The following KIF1B variants were observed in gnomAD, a reference collection of about 807,000 sequenced individuals.
KIF1B encodes kinesin-like protein KIF1B.
A neutral mutation model predicts 241.9 loss-of-function variants in KIF1B; 76 were observed. That is an observed-to-expected ratio of 0.31 (90% CI 0.26 to 0.38). KIF1B has a LOEUF of 0.38. KIF1B is among the 10% of genes least tolerant of loss of function. The pLI is 1.00. For missense variants in KIF1B, 1,622 were observed against 2,271.4 expected, an observed-to-expected ratio of 0.71 and a Z score of 5.81; for synonymous variants, 750 against 796.7, an observed-to-expected ratio of 0.94 and a Z score of 0.99.
intron 38 of KIF1B, among the ~76,000 whole-genome samples, chr1:10,356,832 G>A (rs1186438552): frequency 4.0e-5 from 6 of 151,856 alleles, no homozygotes; most frequent in Admixed American, 1.3e-4. Context: ...CCTGGGAGGC[G>A]GAGGTTGCAG....
intron 10 of KIF1B, among the ~76,000 whole-genome samples, chr1:10,274,571 A>G (rs1450552446): frequency 6.6e-6 from 1 of 152,182 alleles, no homozygotes; most frequent in Non-Finnish European, 1.5e-5. Flanking sequence ...AATAAATATT[A>G]TTTTACAAGA....
chr1:10,341,987 G>T (rs1034897289), intron 32 of KIF1B, 63 bp from the exon 33 acceptor site: 11 of 1,048,214 alleles, frequency 1.0e-5, no homozygotes, highest in Middle Eastern at 2.1e-4. Context: ...ACGTACTAAA[G>T]TTCTGATTGA....
intron 24 of KIF1B, 95 bp from the exon 25 acceptor site, chr1:10,323,789 T>C: frequency 9.9e-7 from 1 of 1,007,692 alleles, no homozygotes; most frequent in Non-Finnish European, 1.6e-6. Context: ...GTTGAGCACA[T>C]TCGACCTCTT....
intron 18 of KIF1B, among the ~76,000 whole-genome samples, 158 bp from the exon 19 acceptor site, chr1:10,295,502 A>G (rs1324965573): frequency 6.6e-6 from 1 of 152,162 alleles, no homozygotes; most frequent in Non-Finnish European, 1.5e-5. Flanking sequence ...GAGGTTGATC[A>G]TATGTGAGGA....
At chr1:10,219,587 C>T (rs1478959963) in intron 1 of KIF1B, among the ~76,000 whole-genome samples, 1 of 149,326 alleles carries the variant, frequency 6.7e-6, no homozygotes, top group African/African-American at 2.5e-5. Flanking sequence ...AGAACCCCAT[C>T]TCTACTAAAA....
chr1:10,274,953 G>T, intron 10 of KIF1B: 1 of 390,438 alleles, frequency 2.6e-6, no homozygotes, highest in Non-Finnish European at 4.9e-6. Context: ...CAGGATATTA[G>T]GTAATAGTAT....
chr1:10,241,957 T>C (rs1421411889), intron 2 of KIF1B, among the ~76,000 whole-genome samples: 1 of 152,200 alleles, frequency 6.6e-6, no homozygotes, highest in Non-Finnish European at 1.5e-5. Flanking sequence ...TCAGACAAAG[T>C]GGGCATTCAT....
intron 1 of KIF1B, among the ~76,000 whole-genome samples, chr1:10,217,307 C>G (rs1402612646): frequency 2.0e-5 from 3 of 151,234 alleles, no homozygotes; most frequent in Non-Finnish European, 4.4e-5. Context: ...CAGGCATAGT[C>G]CTACCATAGG....
At position 10,363,267 on chromosome 1, in the gene KIF1B, T is replaced by C; in HGVS notation, c.4305-16T>C. On this transcript the variant is annotated splice_polypyrimidine_tract_variant and intron_variant, in intron 40 of 48. Transcript: ENST00000676179. ...GCTTTAAGAGATTAAACAATTGTTTTATTTTCTTCAAATAGGAATCGAGTC... is the reference window on the plus strand; with the variant it reads ...GCTTTAAGAGATTAAACAATTGTTTCATTTTCTTCAAATAGGAATCGAGTC... 2 of 1,605,476 alleles carry C rather than the reference T, an allele frequency of 1.2e-6. No individual in the cohort carries two copies. The highest frequency in any genetic ancestry group is 1.7e-6 in the Non-Finnish European group (2 of 1,172,200).
chr1:10,319,684 A>G (rs1402513404), intron 22 of KIF1B, among the ~76,000 whole-genome samples: 1 of 152,188 alleles, frequency 6.6e-6, no homozygotes, highest in East Asian at 1.9e-4. Context: ...TTATTGATAT[A>G]TAAGATATTA....
At chr1:10,242,630 C>T (rs760332694) in intron 2 of KIF1B, among the ~76,000 whole-genome samples, 1 of 152,114 alleles carries the variant, frequency 6.6e-6, no homozygotes, top group Non-Finnish European at 1.5e-5. Context: ...AATTCTCCTG[C>T]CTAAGCCTCC....
At position 10,229,478 on chromosome 1, in the gene KIF1B, T is replaced by A. The variant is rs1365999150; in HGVS notation, c.-79-2772T>A. The stretch of plus-strand genomic sequence containing the variant: ...ATCTCTGAGCATTCTGGTGGTAGAG[T>A]GAGAGACAGACAGTGTGAGAGATGG... On this transcript the variant is annotated intron_variant, in intron 1 of 48. Coordinates refer to ENST00000676179, the MANE Select transcript of KIF1B (RefSeq NM_001365951.3). 2.6e-5 allele frequency among the ~76,000 whole-genome samples: 4 copies of A among 151,774 alleles called. No homozygotes were observed. The East Asian group carries it at 7.7e-4, about 29-fold the overall frequency.
In KIF1B at chr1:10,379,481, C is replaced by G. The variant is rs571920248; in HGVS notation, c.*2894C>G. On this transcript the variant is annotated 3_prime_UTR_variant, in exon 49 of 49. Coordinates refer to ENST00000676179, the MANE Select transcript of KIF1B (RefSeq NM_001365951.3). ...CGTCCAGGGTGGGTGCTCCCTTGCCCGACAGAACCATCCCCACTGTGAGGC... is the reference window on the plus strand; with the variant it reads ...CGTCCAGGGTGGGTGCTCCCTTGCCGGACAGAACCATCCCCACTGTGAGGC... The G allele has an allele frequency of 1.8e-4, 42 of 231,698 alleles. No homozygotes were observed. The highest frequency in any genetic ancestry group is 3.3e-4 in the Non-Finnish European group (39 of 117,036). The allele number at this position is 231,698 out of a possible 1,614,324, so 14.4% of individuals were successfully genotyped here. A position where few individuals can be genotyped will look rare whatever the true frequency, so the allele number is the denominator to read the frequency against.
intron 2 of KIF1B, among the ~76,000 whole-genome samples, chr1:10,254,783 A>G (rs1647671076): frequency 6.8e-6 from 1 of 146,720 alleles, no homozygotes; most frequent in African/African-American, 2.5e-5. Context: ...AGGCTGAGGC[A>G]GGAGAATGGC....
intron 15 of KIF1B, among the ~76,000 whole-genome samples, chr1:10,290,380 G>C (rs7553228): frequency 0.34 from 51,285 of 151,968 alleles, 8,810 homozygotes; most frequent in Admixed American, 0.38. Flanking sequence ...CGATTTAATA[G>C]TAAACCTTTC....
At chr1:10,336,834 A>G in intron 29 of KIF1B, 92 bp downstream of exon 29, 1 of 1,273,158 alleles carries the variant, frequency 7.9e-7, no homozygotes. Context: ...TGAAAAATAC[A>G]GGGTGCTGGT....
At chr1:10,352,120 G>A (rs113180976) in intron 37 of KIF1B, among the ~76,000 whole-genome samples, 2 of 150,832 alleles carry the variant, frequency 1.3e-5, no homozygotes, top group Non-Finnish European at 2.9e-5. Context: ...TTGGAACAGG[G>A]GAGGTGTGAA....
At position 10,337,355 on chromosome 1, in the gene KIF1B, A is replaced by G. The variant is rs1557722576; in HGVS notation, c.3260-16A>G. 6.2e-7 allele frequency: 1 copy of G among 1,614,190 alleles called. No homozygotes were observed. Among genetic ancestry groups the G allele is most frequent in the East Asian group, 2.2e-5 (1 of 44,886 alleles). On this transcript the variant is annotated splice_polypyrimidine_tract_variant and intron_variant, in intron 30 of 48. Transcript: ENST00000676179. This position sits in a 1 kb window ranked among gnomAD's most constrained non-coding sequence, Gnocchi z 4.0. ...CATTATTTGAACCATCTGTGTCTTCATTTGACCCTCTTTAGATTTGAAGTC... is the reference window on the plus strand; with the variant it reads ...CATTATTTGAACCATCTGTGTCTTCGTTTGACCCTCTTTAGATTTGAAGTC...
chr1:10,246,444 A>G (rs1647213372), intron 2 of KIF1B, among the ~76,000 whole-genome samples: 1 of 152,070 alleles, frequency 6.6e-6, no homozygotes, highest in Non-Finnish European at 1.5e-5. Flanking sequence ...AGCCAGTCAT[A>G]TTTTAGAAAT....
Sources: allele counts gnomAD v4.1 joint callset (sites outside exome capture counted in the v4.1 genomes callset), GRCh38; gene constraint gnomAD v4.1.1; non-coding constraint Gnocchi (gnomAD v3.1); transcripts MANE v1.5; gene names NCBI Gene and HGNC (gene_info 2026-07-23, HGNC 2026-07-21).